AKR1D1: variants seen among roughly 807,000 people sequenced by gnomAD.
The protein encoded by AKR1D1 is delta(4)-3-ketosteroid 5-beta-reductase.
In AKR1D1, 32 loss-of-function variants were observed where a neutral mutation model predicts 42.6. The ratio of observed to expected loss-of-function variants is 0.75; its 90% confidence interval spans 0.57 to 1.01. AKR1D1 has a LOEUF of 1.01. Among genes scored for constraint, AKR1D1 ranks in the 50% least tolerant of loss-of-function variants. The pLI is 0.00. For missense variants in AKR1D1, 364 were observed against 402.2 expected (o/e 0.91, Z 0.81); for synonymous variants, 123 against 135.5 (o/e 0.91, Z 0.64).
At chr7:138,097,730 A>T in intron 3 of AKR1D1, 136 bp from the exon 4 acceptor site, 2 of 787,452 alleles carry the variant, frequency 2.5e-6, no homozygotes, top group South Asian at 3.5e-5. Context: ...ATGACAAAAT[A>T]CTTTAGACTG....
chr7:138,116,078 T>A (rs956652474), intron 8 of AKR1D1, among the ~76,000 whole-genome samples: 1 of 152,030 alleles, frequency 6.6e-6, no homozygotes, highest in Non-Finnish European at 1.5e-5. Context: ...CTTGGGAGGC[T>A]GAGGCAGGAG....
Position 138,105,431 on chromosome 7 carries a change from T to C in AKR1D1, c.579+2T>C, listed in dbSNP as rs759040766. Reference sequence around the variant, plus strand: ...AAACACAAGCCAGTCAGCAACCAGGTACAGCCTAATAGCTTCCACTAGGGT... The same window carrying C: ...AAACACAAGCCAGTCAGCAACCAGGCACAGCCTAATAGCTTCCACTAGGGT... On this transcript the variant is annotated splice_donor_variant, in intron 5 of 8. Coordinates refer to ENST00000242375, the MANE Select transcript of AKR1D1 (RefSeq NM_005989.4). LOFTEE classifies it high-confidence loss of function. 1 of 1,613,802 alleles carries C rather than the reference T, an allele frequency of 6.2e-7. No individual in the cohort carries two copies. Among genetic ancestry groups the C allele is most frequent in the Admixed American group, 1.7e-5 (1 of 59,998 alleles).
At chr7:138,085,694 G>T (rs188314446) in intron 1 of AKR1D1, among the ~76,000 whole-genome samples, 1 of 151,914 alleles carries the variant, frequency 6.6e-6, no homozygotes, top group African/African-American at 2.4e-5. Flanking sequence ...GATCTGCCCC[G>T]CCTGGGCCTC....
intron 7 of AKR1D1, among the ~76,000 whole-genome samples, chr7:138,109,362 C>G (rs555979963): frequency 5.1e-4 from 77 of 152,328 alleles, no homozygotes; most frequent in African/African-American, 1.7e-3. Flanking sequence ...CTCTCTCTCT[C>G]CCTCCTTTCT....
intron 4 of AKR1D1, among the ~76,000 whole-genome samples, chr7:138,102,257 A>T (rs1488612927): frequency 6.6e-6 from 1 of 152,022 alleles, no homozygotes; most frequent in Non-Finnish European, 1.5e-5. Context: ...AACCTATAAT[A>T]GCCACAACAA....
intron 7 of AKR1D1, among the ~76,000 whole-genome samples, chr7:138,110,526 G>T (rs918662058): frequency 1.3e-5 from 2 of 152,172 alleles, no homozygotes; most frequent in Admixed American, 1.3e-4. Flanking sequence ...GCTGAGGCAG[G>T]TGGATCACCT....
chr7:138,096,687 A>G (rs567771929), intron 3 of AKR1D1, among the ~76,000 whole-genome samples: 2 of 152,286 alleles, frequency 1.3e-5, no homozygotes, highest in Admixed American at 1.3e-4. Context: ...AATACAGTTG[A>G]CTACCACCTT....
At chr7:138,106,478 G>T in intron 5 of AKR1D1, 130 bp from the exon 6 acceptor site, 1 of 734,536 alleles carries the variant, frequency 1.4e-6, no homozygotes, top group Non-Finnish European at 2.4e-6. Flanking sequence ...ACTAGGACAC[G>T]AAATGTATAT....
intron 8 of AKR1D1, among the ~76,000 whole-genome samples, chr7:138,115,606 G>A (rs1190143730): frequency 6.6e-6 from 1 of 152,084 alleles, no homozygotes; most frequent in Non-Finnish European, 1.5e-5. Flanking sequence ...AAATCAGCAA[G>A]GTGGAACAAG....
At chr7:138,083,834 G>GCTCT (rs1803107986) in intron 1 of AKR1D1, among the ~76,000 whole-genome samples, 1 of 152,220 alleles carries the variant, frequency 6.6e-6, no homozygotes, top group Admixed American at 6.5e-5. Context: ...TTCTGTTTAG[G>GCTCT]CTCTCAGTTG....
intron 1 of AKR1D1, among the ~76,000 whole-genome samples, chr7:138,077,454 C>T (rs1055331741): frequency 6.6e-6 from 1 of 152,224 alleles, no homozygotes; most frequent in Admixed American, 6.5e-5. Context: ...TTACCTCTCC[C>T]TCGGTCCCTC....
intron 7 of AKR1D1, among the ~76,000 whole-genome samples, chr7:138,109,541 G>A (rs1794497540): frequency 6.6e-6 from 1 of 152,306 alleles, no homozygotes; most frequent in Non-Finnish European, 1.5e-5. Flanking sequence ...TGGCCACTGA[G>A]TAGGATACCC....
At chr7:138,088,462 C>A in intron 1 of AKR1D1, 139 bp from the exon 2 acceptor site, 1 of 1,046,798 alleles carries the variant, frequency 9.6e-7, no homozygotes, top group Non-Finnish European at 1.4e-6. Context: ...TGAACACCAT[C>A]TTCCAATCAC....
At chr7:138,102,526 G>A (rs1163537984) in intron 4 of AKR1D1, among the ~76,000 whole-genome samples, 1 of 152,096 alleles carries the variant, frequency 6.6e-6, no homozygotes, top group East Asian at 1.9e-4. Flanking sequence ...CTATACCACT[G>A]CAACCCAGCC....
At chr7:138,084,842 G>A (rs973522302) in intron 1 of AKR1D1, among the ~76,000 whole-genome samples, 1 of 152,012 alleles carries the variant, frequency 6.6e-6, no homozygotes, top group Non-Finnish European at 1.5e-5. Context: ...CAGATCACAA[G>A]GTCAAGAGAT....
intron 2 of AKR1D1, among the ~76,000 whole-genome samples, chr7:138,090,121 G>C (rs892874374): frequency 6.6e-6 from 1 of 152,094 alleles, no homozygotes; most frequent in East Asian, 1.9e-4. Context: ...GAATGAAAAA[G>C]AAAGTAAAAT....
intron 4 of AKR1D1, among the ~76,000 whole-genome samples, chr7:138,101,406 G>C (rs553719101): frequency 6.6e-6 from 1 of 152,150 alleles, no homozygotes. Flanking sequence ...CACCATGTTG[G>C]TCAGGCTGGT....
intron 7 of AKR1D1, among the ~76,000 whole-genome samples, chr7:138,112,611 G>A (rs1215036200): frequency 6.6e-6 from 1 of 152,096 alleles, no homozygotes; most frequent in East Asian, 1.9e-4. Flanking sequence ...TAAGAATGGG[G>A]TGATGAGTGA....
At chr7:138,076,710 ACT>A (rs1176688040) in intron 1 of AKR1D1, 99 bp downstream of exon 1, 1 of 1,039,080 alleles carries the variant, frequency 9.6e-7, no homozygotes, top group African/African-American at 1.6e-5. Flanking sequence ...TCATTGACTT[ACT>A]TTTTGTAGTA....
Sources: gnomAD v4.1 joint callset for allele counts (sites outside exome capture counted in the v4.1 genomes callset) on GRCh38, gnomAD v4.1.1 for gene constraint, MANE v1.5 for transcripts, NCBI Gene and HGNC (gene_info 2026-07-23, HGNC 2026-07-21) for gene names.